The following LRRC52 variants were observed in gnomAD, a reference collection of about 807,000 sequenced individuals.
The protein encoded by LRRC52 is leucine rich repeat containing 52.
In LRRC52, 15 loss-of-function variants were observed where a neutral mutation model predicts 14.7. The ratio of observed to expected loss-of-function variants is 1.02; its 90% CI spans 0.68 to 1.58. The LOEUF (loss-of-function observed/expected upper bound fraction) is 1.58. LRRC52 is among the 40% of genes most tolerant of loss of function. The probability of loss-of-function intolerance (pLI) is 0.00; values close to 1 mark genes in which losing one functional copy is unlikely to be tolerated. For missense variants in LRRC52, 400 were observed against 387.7 expected, an observed-to-expected ratio of 1.03 and a Z score of -0.27; for synonymous variants, 180 against 163.9, an observed-to-expected ratio of 1.10 and a Z score of -0.75.
intron 1 of LRRC52, among the ~76,000 whole-genome samples, chr1:165,561,703 C>T (rs950048136): frequency 8.5e-5 from 13 of 152,234 alleles, no homozygotes; most frequent in Non-Finnish European, 1.6e-4. Flanking sequence ...GTGGATATGA[C>T]ACAGTTCGTG....
At chr1:165,560,769 G>A (rs1296084749) in intron 1 of LRRC52, among the ~76,000 whole-genome samples, 1 of 152,170 alleles carries the variant, frequency 6.6e-6, no homozygotes, top group African/African-American at 2.4e-5. Flanking sequence ...GGGCAAGGGT[G>A]AGGTGTAATC....
intron 1 of LRRC52, among the ~76,000 whole-genome samples, chr1:165,554,956 T>A (rs993208503): frequency 1.3e-5 from 2 of 152,194 alleles, no homozygotes; most frequent in Non-Finnish European, 2.9e-5. Flanking sequence ...CTATTTGACA[T>A]TTACAAAGAG....
intron 1 of LRRC52, among the ~76,000 whole-genome samples, chr1:165,554,551 C>G (rs1377129686): frequency 6.6e-6 from 1 of 152,136 alleles, no homozygotes; most frequent in African/African-American, 2.4e-5. Flanking sequence ...TGGGGTGATC[C>G]TCAGCATCCC....
At chr1:165,560,644 G>A (rs557594053) in intron 1 of LRRC52, among the ~76,000 whole-genome samples, 1 of 152,250 alleles carries the variant, frequency 6.6e-6, no homozygotes, top group South Asian at 2.1e-4. Context: ...AGGTCTCCCT[G>A]GAATAGACGC....
At chr1:165,559,656 G>T (rs1661303630) in intron 1 of LRRC52, among the ~76,000 whole-genome samples, 1 of 152,102 alleles carries the variant, frequency 6.6e-6, no homozygotes, top group Non-Finnish European at 1.5e-5. Context: ...CTTAGAAACT[G>T]CCACTTTAAG....
intron 1 of LRRC52, among the ~76,000 whole-genome samples, chr1:165,558,641 G>C (rs967888368): frequency 2.0e-5 from 3 of 151,988 alleles, no homozygotes; most frequent in African/African-American, 7.3e-5. Flanking sequence ...TATGGTTAAC[G>C]AGCTAAAGAA....
At chr1:165,559,328 G>T (rs1661298132) in intron 1 of LRRC52, among the ~76,000 whole-genome samples, 1 of 152,134 alleles carries the variant, frequency 6.6e-6, no homozygotes, top group Admixed American at 6.5e-5. Flanking sequence ...GGCAGAGGTT[G>T]CAGTGAGCCA....
At chr1:165,555,374 A>C (rs1472552935) in intron 1 of LRRC52, among the ~76,000 whole-genome samples, 1 of 152,232 alleles carries the variant, frequency 6.6e-6, no homozygotes, top group Non-Finnish European at 1.5e-5. Context: ...CTGGAATAGA[A>C]AGGGAATATG....
intron 1 of LRRC52, among the ~76,000 whole-genome samples, chr1:165,556,588 A>G (rs11804904): frequency 0.1 from 15,269 of 152,296 alleles, 874 homozygotes; most frequent in African/African-American, 0.13. Context: ...TGAAGGCAGC[A>G]TTAGAAAATA....
Position 165,544,661 on chromosome 1 carries a change from C to T in LRRC52, c.365C>T (p.Ser122Leu), listed in dbSNP as rs201605916. ...ACCTCGATCTCCCCATTCACTTTCT[C>T]GGTGCTCAGCAACCTGGTGCAGCTG... is the stretch of plus-strand genomic sequence containing the variant. The part of the protein sequence containing the change: ...NLTSISPFTF[S>L]VLSNLVQLNI... Residue 122 changes from serine (S) to leucine (L), a missense_variant, in exon 1 of 2, where the codon TCG becomes TTG. Physicochemically the swap from Ser to Leu is moderately radical, Grantham distance 145. Coordinates refer to ENST00000294818, the MANE Select transcript of LRRC52 (RefSeq NM_001005214.4). 7.2e-5 allele frequency: 117 copies of T among 1,614,098 alleles called. No homozygotes were observed. The Admixed American group carries it at 1.7e-3, about 24-fold the overall frequency.
intron 1 of LRRC52, among the ~76,000 whole-genome samples, chr1:165,554,411 T>C (rs984101669): frequency 7.1e-6 from 1 of 139,900 alleles, no homozygotes; most frequent in Non-Finnish European, 1.6e-5. Context: ...GCATGACCCA[T>C]ATGCAATGAT....
At chr1:165,547,393 T>G (rs1219382382) in intron 1 of LRRC52, among the ~76,000 whole-genome samples, 1 of 152,162 alleles carries the variant, frequency 6.6e-6, no homozygotes, top group Non-Finnish European at 1.5e-5. Flanking sequence ...GAAATGATCT[T>G]GAGATCATTT....
chr1:165,554,454 T>TTGTTGTTGTTG (rs1557965487), intron 1 of LRRC52, among the ~76,000 whole-genome samples: 9 of 78,966 alleles, frequency 1.1e-4, no homozygotes, highest in African/African-American at 2.4e-4. Context: ...TGTTGTTGTT[T>TTGTTGTTGTTG]TTTGGAGGCA....
chr1:165,557,463 G>A (rs538858559), intron 1 of LRRC52, among the ~76,000 whole-genome samples: 3 of 152,260 alleles, frequency 2.0e-5, no homozygotes, highest in Non-Finnish European at 4.4e-5. Flanking sequence ...GAGCCCAAGG[G>A]GTTTGAATAA....
In LRRC52 at chr1:165,544,606, A is replaced by C; in HGVS notation, c.310A>C (p.Ile104Leu). ...DYTFIGVFKL[I>L]YLDLSSNNLT... Reference sequence around the variant, plus strand: ...TACCTTCATCGGGGTCTTCAAACTCATCTACCTTGACCTCAGCTCCAACAA... The same window carrying C: ...TACCTTCATCGGGGTCTTCAAACTCCTCTACCTTGACCTCAGCTCCAACAA... Residue 104 changes from isoleucine to leucine, a missense_variant, in exon 1 of 2, where the codon ATC becomes CTC. Physicochemically the swap from Ile to Leu is conservative, Grantham distance 5. Coordinates refer to ENST00000294818, the MANE Select transcript of LRRC52 (RefSeq NM_001005214.4). The C allele has an allele frequency of 6.2e-7, 1 of 1,613,464 alleles. No individual in the cohort carries two copies. Among genetic ancestry groups the C allele is most frequent in the Non-Finnish European group, 8.5e-7 (1 of 1,179,934 alleles).
Position 165,563,814 on chromosome 1 carries a change from A to G in LRRC52, c.932A>G (p.Gln311Arg), listed in dbSNP as rs1464155328. Residue 311 changes from glutamine to arginine, a missense_variant, in exon 2 of 2, where the codon CAG becomes CGG. Coordinates refer to ENST00000294818, the MANE Select transcript of LRRC52 (RefSeq NM_001005214.4). Reference protein sequence around the residue: ...TQTSSVQEFPQLI With the variant: ...TQTSSVQEFPRLI ...ACGAGCTCGGTCCAGGAGTTCCCTC[A>G]GCTTATTTAGTTGCCAGAGACCACT... is the stretch of plus-strand genomic sequence containing the variant. 1.9e-6 allele frequency: 3 copies of G among 1,613,766 alleles called. No homozygotes were observed. Among genetic ancestry groups the G allele is most frequent in the South Asian group, 1.1e-5 (1 of 91,048 alleles).
chr1:165,550,973 C>T (rs1461501423), intron 1 of LRRC52, among the ~76,000 whole-genome samples: 1 of 152,054 alleles, frequency 6.6e-6, no homozygotes, highest in Admixed American at 6.6e-5. Context: ...AGCCTATGGA[C>T]CTAAATAGAA....
chr1:165,559,686 G>C (rs1661304316), intron 1 of LRRC52, among the ~76,000 whole-genome samples: 1 of 152,088 alleles, frequency 6.6e-6, no homozygotes. Context: ...ATATAGCAAA[G>C]CCAACTCTAC....
intron 1 of LRRC52, among the ~76,000 whole-genome samples, chr1:165,558,311 A>G (rs1661279257): frequency 1.3e-5 from 2 of 152,232 alleles, no homozygotes; most frequent in South Asian, 4.1e-4. Context: ...AAGGGATGGC[A>G]TAAAGTTGGG....
Sources: gnomAD v4.1 joint callset for allele counts (sites outside exome capture counted in the v4.1 genomes callset) on GRCh38, gnomAD v4.1.1 for gene constraint, MANE v1.5 for transcripts, NCBI Gene and HGNC (gene_info 2026-07-23, HGNC 2026-07-21) for gene names.